The following FTO variants were observed in gnomAD, a reference collection of about 807,000 sequenced individuals.
The protein encoded by FTO is FTO alpha-ketoglutarate dependent dioxygenase, also known as alpha-ketoglutarate-dependent dioxygenase FTO.
In FTO, 47 loss-of-function variants were observed where a neutral mutation model predicts 63.9. The observed-to-expected ratio is 0.74, with a 90% CI of 0.58 to 0.94. The LOEUF is 0.94. Among genes scored for constraint, FTO ranks in the 40% least tolerant of loss-of-function variants. FTO has a pLI of 0.00. For synonymous variants in FTO, 207 were observed against 224.4 expected, an observed-to-expected ratio of 0.92 and a Z score of 0.69; for missense variants, 562 against 618.1, an observed-to-expected ratio of 0.91 and a Z score of 0.96.
chr16:54,113,442 G>A lies in FTO; in HGVS notation c.*1527G>A, dbSNP rs997861142. On this transcript the variant is annotated 3_prime_UTR_variant, in exon 9 of 9. Transcript: ENST00000471389. ...ACGGCCTGCACTCATTCCCATGAAT[G>A]CAGTTAATAGCCACAGAAATGTCAC... is the stretch of plus-strand genomic sequence containing the variant. 1 of 152,196 alleles carries A rather than the reference G, an allele frequency of 6.6e-6. No individual in the cohort carries two copies. Among genetic ancestry groups the A allele is most frequent in the Non-Finnish European group, 1.5e-5 (1 of 68,044 alleles). The allele number at this position is 152,196 out of a possible 1,614,324, so 9.4% of individuals were successfully genotyped here.
intron 4 of FTO, among the ~76,000 whole-genome samples, chr16:53,849,146 A>G (rs1484570693): frequency 6.6e-6 from 1 of 152,186 alleles, no homozygotes; most frequent in Non-Finnish European, 1.5e-5. Flanking sequence ...GATTTCTATC[A>G]GGTAACCAGG....
chr16:53,843,462 TA>T (rs2079531213), intron 3 of FTO, among the ~76,000 whole-genome samples: 1 of 152,240 alleles, frequency 6.6e-6, no homozygotes, highest in Admixed American at 6.5e-5. Context: ...AATTGGAACA[TA>T]TTTTTATATG....
rs575693783 is a variant in FTO at position 53,985,034 on chromosome 16, G to A, written c.1364+50925G>A. 499 of 455,150 alleles carry A rather than the reference G, an allele frequency of 1.1e-3. 7 individuals carry two copies. Among genetic ancestry groups the A allele is most frequent in the South Asian group, 7.3e-3 (468 of 64,216 alleles). The allele number at this position is 455,150 out of a possible 1,614,324, so 28.2% of individuals were successfully genotyped here. On this transcript the variant is annotated intron_variant, in intron 8 of 8. Coordinates refer to ENST00000471389, the MANE Select transcript of FTO (RefSeq NM_001080432.3). ...GGTGAAGTTTAGTTTAAAACCTGCC[G>A]TTAATTTCTGGCCTCTGGCAAGAGT...
At chr16:53,873,476 G>A (rs959336199) in intron 4 of FTO, among the ~76,000 whole-genome samples, 5 of 148,948 alleles carry the variant, frequency 3.4e-5, no homozygotes, top group Non-Finnish European at 7.4e-5. Flanking sequence ...ATATATACTT[G>A]CATATGTATA....
At chr16:53,770,288 A>C (rs149712627) in intron 1 of FTO, among the ~76,000 whole-genome samples, 1 of 152,258 alleles carries the variant, frequency 6.6e-6, no homozygotes, top group African/African-American at 2.4e-5. Context: ...CTATATTTGA[A>C]AAGATTTTGT....
intron 7 of FTO, among the ~76,000 whole-genome samples, chr16:53,898,768 C>A (rs546530137): frequency 6.6e-6 from 1 of 152,272 alleles, no homozygotes; most frequent in Admixed American, 6.5e-5. Flanking sequence ...TAGCCTCAAA[C>A]TCCTGGGCTC....
intron 8 of FTO, among the ~76,000 whole-genome samples, chr16:54,060,670 A>G (rs1487733419): frequency 6.6e-6 from 1 of 152,198 alleles, no homozygotes; most frequent in Non-Finnish European, 1.5e-5. Context: ...ACAAAAAACA[A>G]TCACTTACTA....
At chr16:54,006,738 G>A (rs1391373458) in intron 8 of FTO, among the ~76,000 whole-genome samples, 2 of 152,212 alleles carry the variant, frequency 1.3e-5, no homozygotes, top group East Asian at 1.9e-4. Flanking sequence ...TAAGTGAAAG[G>A]ATAGGCTCCA....
intron 1 of FTO, among the ~76,000 whole-genome samples, chr16:53,720,241 A>G (rs1193299285): frequency 1.3e-5 from 2 of 152,072 alleles, no homozygotes; most frequent in Admixed American, 6.5e-5. Context: ...GAGTCCTCCA[A>G]TCTCTGTGAT....
At chr16:54,019,506 C>G (rs1375626093) in intron 8 of FTO, among the ~76,000 whole-genome samples, 1 of 152,184 alleles carries the variant, frequency 6.6e-6, no homozygotes, top group African/African-American at 2.4e-5. Context: ...CTACCAAGTA[C>G]TGGGCTTTGT....
chr16:53,760,484 C>T (rs891531023), intron 1 of FTO, among the ~76,000 whole-genome samples: 1 of 151,852 alleles, frequency 6.6e-6, no homozygotes, highest in African/African-American at 2.4e-5. Flanking sequence ...GGACTCAAGC[C>T]GTCTGCCCGC....
chr16:53,902,278 T>G (rs1330673375), intron 7 of FTO, among the ~76,000 whole-genome samples: 1 of 152,164 alleles, frequency 6.6e-6, no homozygotes, highest in Non-Finnish European at 1.5e-5. Flanking sequence ...TTCAGGAATG[T>G]CAATGTTGGA....
Position 53,826,173 on chromosome 16 carries a change from T to A in FTO, c.433T>A (p.Tyr145Asn), listed in dbSNP as rs2079000841. ...ACETFLKLND[Y>N]LQIETIQALE... is the part of the protein sequence containing the mutation. ...TGAGACCTTCCTCAAGCTCAATGAC[T>A]ACCTGCAGATAGAAACCATCCAGGC... The change falls in exon 3 of 9, where the codon TAC (tyrosine) becomes AAC (asparagine). Residue 145 changes from tyrosine (Y) to asparagine (N), a missense_variant. Tyr to Asn is a moderately radical substitution (Grantham distance 143). Coordinates refer to ENST00000471389, the MANE Select transcript of FTO (RefSeq NM_001080432.3). The A allele has an allele frequency of 1.2e-6, 2 of 1,614,126 alleles. No individual in the cohort carries two copies. The highest frequency in any genetic ancestry group is 2.7e-5 in the African/African-American group (2 of 75,030).
intron 8 of FTO, among the ~76,000 whole-genome samples, chr16:54,049,885 GCTC>G (rs1247051237): frequency 1.3e-5 from 2 of 152,202 alleles, no homozygotes; most frequent in African/African-American, 4.8e-5. Flanking sequence ...CATTCTGCTG[GCTC>G]TCAGCGTCAA....
intron 8 of FTO, among the ~76,000 whole-genome samples, chr16:53,948,261 G>A (rs1175584258): frequency 6.6e-6 from 1 of 152,208 alleles, no homozygotes; most frequent in Non-Finnish European, 1.5e-5. Flanking sequence ...AGAGGCACCG[G>A]GCTTTCTGAA....
intron 1 of FTO, among the ~76,000 whole-genome samples, chr16:53,780,537 C>T (rs926633567): frequency 1.3e-5 from 2 of 152,024 alleles, no homozygotes; most frequent in South Asian, 2.1e-4. Flanking sequence ...TGGGTTCAAG[C>T]GATTTTCCCA....
intron 8 of FTO, among the ~76,000 whole-genome samples, chr16:54,063,400 C>A (rs1178144514): frequency 6.6e-6 from 1 of 152,186 alleles, no homozygotes; most frequent in East Asian, 1.9e-4. Context: ...TTTGAAAAAA[C>A]AAGCACAAGG....
chr16:53,823,368 A>T (rs1480480498), intron 2 of FTO, among the ~76,000 whole-genome samples: 1 of 152,036 alleles, frequency 6.6e-6, no homozygotes, highest in Non-Finnish European at 1.5e-5. Flanking sequence ...TGATATTTGT[A>T]CTGTTTCCCT....
intron 8 of FTO, among the ~76,000 whole-genome samples, chr16:54,085,030 G>A (rs1382776656): frequency 7.3e-6 from 1 of 137,434 alleles, no homozygotes; most frequent in Non-Finnish European, 1.6e-5. Flanking sequence ...CAAAGATCCT[G>A]TCTGCTTTGG....
Sources: allele counts gnomAD v4.1 joint callset (sites outside exome capture counted in the v4.1 genomes callset), GRCh38; gene constraint gnomAD v4.1.1; transcripts MANE v1.5; gene names NCBI Gene and HGNC (gene_info 2026-07-23, HGNC 2026-07-21).